Variants in PAN3 observed in about 807,000 individuals in gnomAD.
PAN3 encodes the protein PAN2-PAN3 deadenylation complex subunit PAN3.
In PAN3, 19 loss-of-function variants were observed where a neutral mutation model predicts 96.2. That is an observed-to-expected ratio of 0.20 (90% CI 0.14 to 0.29). PAN3 has a LOEUF of 0.29. Ranked by LOEUF, PAN3 falls within the 10% of genes least tolerant of loss-of-function variation. The pLI, the probability that PAN3 is intolerant of heterozygous loss-of-function variation, is 1.00. For synonymous variants in PAN3, 433 were observed against 406.6 expected (o/e 1.06, Z -0.78); for missense variants, 882 against 1,108.1 (o/e 0.80, Z 2.90).
intron 6 of PAN3, among the ~76,000 whole-genome samples, chr13:28,243,585 C>A (rs1883881282): frequency 1.3e-5 from 2 of 152,138 alleles, no homozygotes; most frequent in African/African-American, 4.8e-5. Context: ...TCCACACAGC[C>A]TTTTAATAAT....
chr13:28,161,889 C>T (rs1047651300), intron 1 of PAN3, among the ~76,000 whole-genome samples: 15 of 152,196 alleles, frequency 9.9e-5, no homozygotes, highest in South Asian at 2.1e-4. Context: ...TCTTGTTTTA[C>T]AGACAGCTTC....
At chr13:28,289,602 C>T (rs1198332539) in intron 18 of PAN3, among the ~76,000 whole-genome samples, 3 of 152,244 alleles carry the variant, frequency 2.0e-5, no homozygotes, top group African/African-American at 7.2e-5. Context: ...TGGGAAAAGG[C>T]TAGGCGCAGT....
At chr13:28,164,508 A>G (rs143985102) in intron 1 of PAN3, among the ~76,000 whole-genome samples, 1 of 152,212 alleles carries the variant, frequency 6.6e-6, no homozygotes, top group Admixed American at 6.5e-5. Context: ...GTAGCTGGGT[A>G]CTTTTTGGAA....
At chr13:28,181,335 C>T (rs1488370879) in intron 4 of PAN3, among the ~76,000 whole-genome samples, 2 of 151,702 alleles carry the variant, frequency 1.3e-5, no homozygotes, top group East Asian at 3.9e-4. Flanking sequence ...GTAGTGAGAC[C>T]TGGTCTCTAC....
At chr13:28,192,346 G>A (rs1227054720) in intron 4 of PAN3, among the ~76,000 whole-genome samples, 2 of 152,198 alleles carry the variant, frequency 1.3e-5, no homozygotes, top group East Asian at 3.8e-4. Context: ...GGGATTATAG[G>A]CGTGAGCCAC....
intron 1 of PAN3, among the ~76,000 whole-genome samples, chr13:28,143,728 T>A (rs1392634279): frequency 6.6e-6 from 1 of 152,236 alleles, no homozygotes; most frequent in African/African-American, 2.4e-5. Flanking sequence ...AACCTCTGTA[T>A]TTCCTTCTTC....
intron 18 of PAN3, among the ~76,000 whole-genome samples, chr13:28,289,436 C>T (rs1869424051): frequency 6.6e-6 from 1 of 152,160 alleles, no homozygotes; most frequent in Non-Finnish European, 1.5e-5. Context: ...CGCCACCACA[C>T]CCAGCTAATT....
chr13:28,240,274 CAT>C (rs1883534870), intron 6 of PAN3, among the ~76,000 whole-genome samples: 1 of 151,940 alleles, frequency 6.6e-6, no homozygotes, highest in Non-Finnish European at 1.5e-5. Flanking sequence ...TAATCTGAAA[CAT>C]GAGGGATTTA....
chr13:28,220,312 T>C lies in PAN3; in HGVS notation c.934T>C (p.Ser312Pro), dbSNP rs778492199. ...RLSNVSQSNM[S>P]AFSQVFSHPS... is the part of the protein sequence containing the mutation. ...GAGTAACGTGTCCCAGTCAAATATG[T>C]CTGCCTTCTCTCAAGTTTTCTCTCA... The change falls in exon 6 of 19, where the codon TCT becomes CCT. Residue 312 changes from serine (S) to proline (P), a missense_variant. By Grantham distance (74) the Ser-to-Pro change is moderately conservative. Transcript: ENST00000380958. 1.2e-6 allele frequency: 2 copies of C among 1,613,880 alleles called. No individual in the cohort carries two copies. Among genetic ancestry groups the C allele is most frequent in the South Asian group, 2.2e-5 (2 of 91,058 alleles).
intron 6 of PAN3, among the ~76,000 whole-genome samples, chr13:28,236,886 G>GTT (rs942010826): frequency 6.6e-6 from 1 of 152,034 alleles, no homozygotes; most frequent in Admixed American, 6.6e-5. Context: ...GTTTTGTTTT[G>GTT]TTTGTTTTTC....
chr13:28,273,557 C>T (rs1308568632), intron 14 of PAN3, among the ~76,000 whole-genome samples: 1 of 151,736 alleles, frequency 6.6e-6, no homozygotes, highest in Non-Finnish European at 1.5e-5. Context: ...GCTGAGATCG[C>T]ACCACTGCAC....
chr13:28,242,942 A>G (rs1190326671), intron 6 of PAN3, among the ~76,000 whole-genome samples: 4 of 152,198 alleles, frequency 2.6e-5, no homozygotes, highest in South Asian at 2.1e-4. Flanking sequence ...CACTGGTATC[A>G]TAATTGGTGT....
At chr13:28,244,692 T>C (rs994807125) in intron 6 of PAN3, among the ~76,000 whole-genome samples, 4 of 152,088 alleles carry the variant, frequency 2.6e-5, no homozygotes, top group African/African-American at 9.7e-5. Flanking sequence ...TGGCCCACTT[T>C]TATCTTGTTT....
intron 1 of PAN3, among the ~76,000 whole-genome samples, chr13:28,172,402 G>C (rs1874424733): frequency 1.3e-5 from 2 of 152,078 alleles, no homozygotes; most frequent in Admixed American, 1.3e-4. Flanking sequence ...CTTGCAGTGA[G>C]CCGAGATCAC....
chr13:28,273,131 T>A (rs569890630), intron 14 of PAN3, among the ~76,000 whole-genome samples: 16 of 152,348 alleles, frequency 1.1e-4, no homozygotes, highest in Non-Finnish European at 2.4e-4. Flanking sequence ...ATTTTTTTAT[T>A]TAGTCAGAAC....
intron 1 of PAN3, among the ~76,000 whole-genome samples, chr13:28,153,074 A>C (rs934656178): frequency 6.6e-6 from 1 of 152,166 alleles, no homozygotes; most frequent in African/African-American, 2.4e-5. Flanking sequence ...GATCTGACGT[A>C]GGGAAAAGTT....
rs914000023 is a variant in PAN3, at chr13:28,176,738, G to A, written c.619+179G>A. On this transcript the variant is annotated intron_variant, in intron 3 of 18. Transcript: ENST00000380958. ...ATTTAGATTCCAGGCCAGGTGTGGT[G>A]GCTCATGCCTGTAATCCCAGCACTT... Among the ~76,000 whole-genome samples the A allele has an allele frequency of 4.6e-5, 7 of 151,938 alleles. No individual in the cohort carries two copies. The East Asian group carries it at 1.3e-3, about 29-fold the overall frequency.
At chr13:28,261,573 C>G in intron 9 of PAN3, 115 bp downstream of exon 9, 1 of 816,334 alleles carries the variant, frequency 1.2e-6, no homozygotes, top group Non-Finnish European at 1.8e-6. Flanking sequence ...TGGCTCATAC[C>G]TGTAATCCCA....
intron 17 of PAN3, among the ~76,000 whole-genome samples, chr13:28,286,848 A>G (rs1176076880): frequency 9.9e-5 from 15 of 152,176 alleles, no homozygotes; most frequent in East Asian, 1.9e-4. Flanking sequence ...CTAAAACCAT[A>G]TGGTGAACTT....
Sources: allele counts gnomAD v4.1 joint callset (sites outside exome capture counted in the v4.1 genomes callset), GRCh38; gene constraint gnomAD v4.1.1; transcripts MANE v1.5; gene names NCBI Gene and HGNC (gene_info 2026-07-23, HGNC 2026-07-21).